The following CDH8 variants were observed in gnomAD, a reference collection of about 807,000 sequenced individuals.
CDH8 encodes the protein cadherin 8, also known as cadherin-8.
A neutral mutation model predicts 68.1 loss-of-function variants in CDH8; 17 were observed. The ratio of observed to expected loss-of-function variants is 0.25; its 90% CI spans 0.17 to 0.37. The LOEUF (loss-of-function observed/expected upper bound fraction) is 0.37. CDH8 is among the 10% of genes least tolerant of loss of function. CDH8 has a pLI of 1.00. For missense variants in CDH8, 763 were observed against 999.3 expected, an observed-to-expected ratio of 0.76 and a Z score of 3.19; for synonymous variants, 372 against 365.1, an observed-to-expected ratio of 1.02 and a Z score of -0.21.
rs113210287 is a variant in CDH8 at position 61,959,558 on chromosome 16, GTA to G, written c.253-58087_253-58086del. Among the ~76,000 whole-genome samples, 8 of 145,152 alleles carry G rather than the reference GTA, an allele frequency of 5.5e-5. No homozygotes were observed. The Admixed American group carries it at 5.6e-4, about 10-fold the overall frequency. On this transcript the variant is annotated intron_variant, in intron 2 of 11. Coordinates refer to ENST00000577390, the MANE Select transcript of CDH8 (RefSeq NM_001796.5). ...TCTCTCTCTCTGTGTGTGTGTGTGTGTATATATATATGTATGTATATAGAGAG... is the reference window on the plus strand; with the variant it reads ...TCTCTCTCTCTGTGTGTGTGTGTGTGTATATATATGTATGTATATAGAGAG...
intron 7 of CDH8, among the ~76,000 whole-genome samples, chr16:61,800,972 G>C (rs761409759): frequency 9.9e-5 from 15 of 151,514 alleles, no homozygotes; most frequent in Non-Finnish European, 1.8e-4. Context: ...CAAAATAGAG[G>C]ATTTATTTTG....
chr16:61,828,153 G>T (rs574524807), intron 4 of CDH8, among the ~76,000 whole-genome samples: 1 of 151,808 alleles, frequency 6.6e-6, no homozygotes, highest in Non-Finnish European at 1.5e-5. Flanking sequence ...ATAGCGACAA[G>T]AGTGACCTCT....
intron 2 of CDH8, among the ~76,000 whole-genome samples, chr16:61,976,805 C>T (rs2150580171): frequency 6.6e-6 from 1 of 152,254 alleles, no homozygotes; most frequent in South Asian, 2.1e-4. Flanking sequence ...AGAATATGAG[C>T]AGTTAAATGG....
At chr16:61,694,439 G>A (rs1286358441) in intron 10 of CDH8, among the ~76,000 whole-genome samples, 2 of 152,114 alleles carry the variant, frequency 1.3e-5, no homozygotes, top group African/African-American at 4.8e-5. Context: ...GTCATAATGG[G>A]GATGATGGAG....
chr16:61,700,219 C>T (rs1596878803), intron 10 of CDH8, among the ~76,000 whole-genome samples: 1 of 151,092 alleles, frequency 6.6e-6, no homozygotes, highest in East Asian at 1.9e-4. Flanking sequence ...ATTATCTTTC[C>T]TTTGGATATA....
At chr16:61,956,232 C>T (rs1377855043) in intron 2 of CDH8, among the ~76,000 whole-genome samples, 1 of 152,148 alleles carries the variant, frequency 6.6e-6, no homozygotes, top group Non-Finnish European at 1.5e-5. Context: ...TATCTACACG[C>T]TGAAGTTAAA....
chr16:61,766,897 AC>A (rs1260603563), intron 8 of CDH8, among the ~76,000 whole-genome samples: 2 of 151,934 alleles, frequency 1.3e-5, no homozygotes, highest in African/African-American at 4.8e-5. Context: ...CCAAGTTTAT[AC>A]TGGCTTTTTA....
intron 4 of CDH8, among the ~76,000 whole-genome samples, chr16:61,832,431 G>A (rs1374154224): frequency 6.6e-6 from 1 of 151,696 alleles, no homozygotes; most frequent in Non-Finnish European, 1.5e-5. Flanking sequence ...TAGACTTATA[G>A]ATAGATGGGT....
chr16:61,794,998 A>T (rs549735567), intron 7 of CDH8, among the ~76,000 whole-genome samples: 19 of 151,702 alleles, frequency 1.3e-4, no homozygotes, highest in Admixed American at 5.9e-4. Flanking sequence ...AGCTGCAAAG[A>T]TTCAGTTTGC....
chr16:61,869,790 T>A (rs1453071221), intron 3 of CDH8, among the ~76,000 whole-genome samples: 1 of 152,144 alleles, frequency 6.6e-6, no homozygotes, highest in East Asian at 1.9e-4. Context: ...TGAGGAAACA[T>A]CAAAGAAAAT....
intron 7 of CDH8, among the ~76,000 whole-genome samples, chr16:61,800,451 C>G (rs780229772): frequency 2.0e-5 from 3 of 152,218 alleles, no homozygotes; most frequent in Non-Finnish European, 4.4e-5. Flanking sequence ...CTCTTCCATA[C>G]TTGTTCTGTC....
In CDH8 at chr16:61,908,821, A is replaced by G. The variant is rs891969561; in HGVS notation, c.253-7348T>C. Among the ~76,000 whole-genome samples, 3 of 152,206 alleles carry G rather than the reference A, an allele frequency of 2.0e-5. No individual in the cohort carries two copies. In the South Asian group the frequency reaches 6.2e-4, roughly 31 times the overall value. On this transcript the variant is annotated intron_variant, in intron 2 of 11. Transcript: ENST00000577390. ...CTTCCATTCTTAATAAGTTGCAGAA[A>G]CAAATTACATCATAAAATTAAAGCT... is the stretch of plus-strand genomic sequence containing the variant.
chr16:61,719,743 T>C (rs891464073), intron 9 of CDH8, among the ~76,000 whole-genome samples: 9 of 150,916 alleles, frequency 6.0e-5, no homozygotes, highest in African/African-American at 1.9e-4. Context: ...ATTGAAAATA[T>C]GTTCCATTGT....
chr16:61,833,919 CT>C, intron 4 of CDH8, among the ~76,000 whole-genome samples: 1 of 151,976 alleles, frequency 6.6e-6, no homozygotes, highest in South Asian at 2.1e-4. Flanking sequence ...TTTTATGTTT[CT>C]TTCCATTTCA....
rs76910543 is a variant in CDH8 at position 61,886,498 on chromosome 16, C to T, written c.547+14681G>A. On this transcript the variant is annotated intron_variant, in intron 3 of 11. Transcript: ENST00000577390. ...TCAGGAAATGTTTGTTTTTAAGAAACATAATACATCTCTCCATTTTATTGA... is the reference window on the plus strand; with the variant it reads ...TCAGGAAATGTTTGTTTTTAAGAAATATAATACATCTCTCCATTTTATTGA... Among the ~76,000 whole-genome samples, 3,249 of 152,218 alleles carry T rather than the reference C, an allele frequency of 0.021. 231 individuals are homozygous for T. The East Asian group carries it at 0.23, about 11-fold the overall frequency.
intron 1 of CDH8, among the ~76,000 whole-genome samples, chr16:62,029,155 A>G (rs1429242335): frequency 6.6e-6 from 1 of 152,200 alleles, no homozygotes; most frequent in Admixed American, 6.5e-5. Context: ...AATACTACCT[A>G]CTTTGAAAGA....
chr16:61,994,982 C>G (rs1483623282), intron 2 of CDH8, among the ~76,000 whole-genome samples: 1 of 152,106 alleles, frequency 6.6e-6, no homozygotes, highest in Admixed American at 6.5e-5. Flanking sequence ...GCTAACAAAC[C>G]TGCCTGAAAG....
chr16:61,959,984 G>GTATATA (rs1181394965), intron 2 of CDH8, among the ~76,000 whole-genome samples: 2,483 of 44,448 alleles, frequency 0.056, 225 homozygotes, highest in Middle Eastern at 0.11. Flanking sequence ...GTGTGTGTGT[G>GTATATA]TATATATATA....
chr16:61,910,888 C>A (rs891554530), intron 2 of CDH8, among the ~76,000 whole-genome samples: 1 of 152,114 alleles, frequency 6.6e-6, no homozygotes, highest in Non-Finnish European at 1.5e-5. Flanking sequence ...TATCTGGATA[C>A]AATCTGAGCT....
Sources: gnomAD v4.1 joint callset for allele counts (sites outside exome capture counted in the v4.1 genomes callset) on GRCh38, gnomAD v4.1.1 for gene constraint, MANE v1.5 for transcripts, NCBI Gene and HGNC (gene_info 2026-07-23, HGNC 2026-07-21) for gene names.